ART4: variants seen among roughly 807,000 people sequenced by gnomAD.
ART4 encodes ADP-ribosyltransferase 4 (inactive) (Dombrock blood group).
Under a neutral mutation model 24.2 loss-of-function variants are expected in ART4, and 14 were observed. The observed-to-expected ratio is 0.58, with a 90% confidence interval of 0.38 to 0.90. The LOEUF is 0.90. ART4 is among the 40% of genes least tolerant of loss of function. The pLI, the probability that ART4 is intolerant of heterozygous loss-of-function variation, is 0.00. For missense variants in ART4, 356 were observed against 366.6 expected, an observed-to-expected ratio of 0.97 and a Z score of 0.24; for synonymous variants, 145 against 139.9, an observed-to-expected ratio of 1.04 and a Z score of -0.26.
At chr12:14,834,871 A>G (rs1950419212) in intron 2 of ART4, among the ~76,000 whole-genome samples, 1 of 152,248 alleles carries the variant, frequency 6.6e-6, no homozygotes. Flanking sequence ...TTCCTTAAAT[A>G]GTATAATTCT....
At chr12:14,829,815 G>C (rs1306185898) in intron 2 of ART4, among the ~76,000 whole-genome samples, 1 of 152,124 alleles carries the variant, frequency 6.6e-6, no homozygotes, top group African/African-American at 2.4e-5. Flanking sequence ...CAGACTGAAT[G>C]CTGATTTTGT....
At chr12:14,841,255 CA>C (rs1863048926) in intron 1 of ART4, 102 bp from the exon 2 acceptor site, 5 of 1,038,772 alleles carry the variant, frequency 4.8e-6, no homozygotes, top group Admixed American at 2.6e-5. Context: ...TCCTGGAAAC[CA>C]ATATTTACTG....
Position 14,843,222 on chromosome 12 carries a change from TC to T in ART4, c.-110del. The T allele has an allele frequency of 7.0e-7, 1 of 1,432,430 alleles. No individual in the cohort carries two copies. Among genetic ancestry groups the T allele is most frequent in the East Asian group, 2.4e-5 (1 of 42,392 alleles). The allele number at this position is 1,432,430 out of a possible 1,614,324, so 88.7% of individuals were successfully genotyped here. A position where few individuals can be genotyped will look rare whatever the true frequency, so the allele number is the denominator to read the frequency against. On this transcript the variant is annotated 5_prime_UTR_variant, in exon 1 of 3. Transcript: ENST00000228936. ...TTCAGTCTCATCCGTAACCGTTTTT[TC>T]CCCTGTCTATGCTGAGCAACTTCTG...
intron 2 of ART4, among the ~76,000 whole-genome samples, chr12:14,830,620 CTGTG>C (rs1209374888): frequency 3.7e-5 from 4 of 107,616 alleles, no homozygotes; most frequent in Admixed American, 1.0e-4. Context: ...AGAAATTACT[CTGTG>C]TGTGTATGTG....
At chr12:14,835,350 G>C (rs553372645) in intron 2 of ART4, among the ~76,000 whole-genome samples, 48 of 152,114 alleles carry the variant, frequency 3.2e-4, no homozygotes, top group African/African-American at 1.2e-3. Context: ...TCTGGGGAGA[G>C]TCCACTGATC....
chr12:14,832,548 T>C (rs1204393412), intron 2 of ART4, among the ~76,000 whole-genome samples: 1 of 152,232 alleles, frequency 6.6e-6, no homozygotes, highest in East Asian at 1.9e-4. Context: ...ATTTATTTTG[T>C]TTATTTCTGC....
At chr12:14,832,650 A>C (rs934841724) in intron 2 of ART4, among the ~76,000 whole-genome samples, 8 of 152,206 alleles carry the variant, frequency 5.3e-5, no homozygotes, top group Non-Finnish European at 1.2e-4. Context: ...ATAACAAGTG[A>C]CCAATAAATA....
rs913091566 is a variant in ART4 at position 14,834,445 on chromosome 12, T to C, written c.854-4983A>G. 2.6e-5 allele frequency among the ~76,000 whole-genome samples: 4 copies of C among 152,222 alleles called. No individual in the cohort carries two copies. The East Asian group carries it at 7.7e-4, about 29-fold the overall frequency. On this transcript the variant is annotated intron_variant, in intron 2 of 2. Coordinates refer to ENST00000228936, the MANE Select transcript of ART4 (RefSeq NM_021071.4). ...TTGTCAGATACTATTCTAAGAGATTTTACATGCATTCATTCATTTTCTCCC... is the reference window on the plus strand; with the variant it reads ...TTGTCAGATACTATTCTAAGAGATTCTACATGCATTCATTCATTTTCTCCC...
intron 1 of ART4, among the ~76,000 whole-genome samples, chr12:14,841,798 C>T (rs1194879000): frequency 2.0e-5 from 3 of 152,196 alleles, no homozygotes; most frequent in Non-Finnish European, 4.4e-5. Context: ...GGGACCGACT[C>T]GTTTGCAGGC....
In ART4 at chr12:14,829,320, A is replaced by T; in HGVS notation, c.*51T>A. The T allele has an allele frequency of 7.8e-7, 1 of 1,284,802 alleles. No homozygotes were observed. Among genetic ancestry groups the T allele is most frequent in the Non-Finnish European group, 1.1e-6 (1 of 945,872 alleles). The allele number at this position is 1,284,802 out of a possible 1,614,324, so 79.6% of individuals were successfully genotyped here. On this transcript the variant is annotated 3_prime_UTR_variant, in exon 3 of 3. Coordinates refer to ENST00000228936, the MANE Select transcript of ART4 (RefSeq NM_021071.4). ...CATTTCTAGCCAAAAGGCCAATAAAAAAGATTTTATTTAAATATTTTTTTT... is the reference window on the plus strand; with the variant it reads ...CATTTCTAGCCAAAAGGCCAATAAATAAGATTTTATTTAAATATTTTTTTT...
chr12:14,841,341 TG>T, intron 1 of ART4, 188 bp from the exon 2 acceptor site: 1 of 520,836 alleles, frequency 1.9e-6, no homozygotes, highest in Non-Finnish European at 3.2e-6. Context: ...AGATTGAATT[TG>T]GTTTGATAAA....
At chr12:14,830,534 G>T (rs1160077108) in intron 2 of ART4, among the ~76,000 whole-genome samples, 1 of 45,488 alleles carries the variant, frequency 2.2e-5, no homozygotes, top group South Asian at 9.5e-4. Flanking sequence ...TTTCTATATA[G>T]GAGTGTGTGT....
Position 14,840,970 on chromosome 12 carries a change from C to T in ART4, c.328G>A (p.Val110Ile). The change falls in exon 2 of 3, where the codon GTT (valine) becomes ATT (isoleucine). Residue 110 changes from valine (V) to isoleucine (I), a missense_variant. Coordinates refer to ENST00000228936, the MANE Select transcript of ART4 (RefSeq NM_021071.4). ...GTGGTAGTCATGTTCTGGGGTAGAA[C>T]TTTTCCTTGGTTAAGCCAGGCTAAG... ...AHLAWLNQGK[V>I]LPQNMTTTHA... 6.2e-7 allele frequency: 1 copy of T among 1,614,184 alleles called. No homozygotes were observed. Among genetic ancestry groups the T allele is most frequent in the Non-Finnish European group, 8.5e-7 (1 of 1,180,032 alleles).
intron 2 of ART4, among the ~76,000 whole-genome samples, chr12:14,831,799 C>T (rs1163788446): frequency 6.6e-6 from 1 of 152,024 alleles, no homozygotes; most frequent in Non-Finnish European, 1.5e-5. Flanking sequence ...TACTATTGCA[C>T]AGCTCAGATA....
intron 2 of ART4, among the ~76,000 whole-genome samples, chr12:14,830,916 G>A (rs1950392558): frequency 6.6e-6 from 1 of 151,172 alleles, no homozygotes; most frequent in Admixed American, 6.6e-5. Context: ...ACTTTAGCAG[G>A]TCAATCATTA....
At chr12:14,829,541 T>C (rs977762751) in intron 2 of ART4, 79 bp from the exon 3 acceptor site, 37 of 941,064 alleles carry the variant, frequency 3.9e-5, no homozygotes, top group Non-Finnish European at 4.3e-5. Flanking sequence ...ATTGATCCAC[T>C]TACTTAACTT....
intron 2 of ART4, among the ~76,000 whole-genome samples, chr12:14,830,538 TGTGTGTGTG>T (rs1422533416): frequency 2.1e-4 from 4 of 18,790 alleles, no homozygotes; most frequent in Admixed American, 7.3e-4. Flanking sequence ...TATATAGGAG[TGTGTGTGTG>T]TGTGTGTGTG....
intron 2 of ART4, among the ~76,000 whole-genome samples, chr12:14,833,036 T>C (rs1464975197): frequency 6.6e-6 from 1 of 152,212 alleles, no homozygotes; most frequent in Non-Finnish European, 1.5e-5. Context: ...TTGTCTTTAG[T>C]TTTCTATTCA....
chr12:14,838,363 A>T (rs1255656796), intron 2 of ART4, among the ~76,000 whole-genome samples: 1 of 152,068 alleles, frequency 6.6e-6, no homozygotes, highest in Non-Finnish European at 1.5e-5. Flanking sequence ...GTAATTTTTC[A>T]TTGAATATAT....
Sources: gnomAD v4.1 joint callset for allele counts (sites outside exome capture counted in the v4.1 genomes callset) on GRCh38, gnomAD v4.1.1 for gene constraint, MANE v1.5 for transcripts, NCBI Gene and HGNC (gene_info 2026-07-23, HGNC 2026-07-21) for gene names.